GPHN: variants seen among roughly 807,000 people sequenced by gnomAD.
GPHN encodes the protein gephyrin.
GPHN carries 17 observed loss-of-function variants against 95.5 expected under a neutral mutation model. That is an observed-to-expected ratio of 0.18 (90% CI 0.12 to 0.27). The LOEUF is 0.27. Among genes scored for constraint, GPHN ranks in the 10% least tolerant of loss-of-function variants. The pLI is 1.00. For missense variants in GPHN, 660 were observed against 978.1 expected, an observed-to-expected ratio of 0.67 and a Z score of 4.34; for synonymous variants, 320 against 322.5, an observed-to-expected ratio of 0.99 and a Z score of 0.08.
At chr14:66,520,700 T>C (rs7142325) in intron 1 of GPHN, among the ~76,000 whole-genome samples, 1,295 of 127,290 alleles carry the variant, frequency 0.01, 14 homozygotes, top group African/African-American at 0.051. Flanking sequence ...GGAAATATTT[T>C]CTTTTTTTTT....
chr14:66,821,129 G>T (rs1309903620), intron 3 of GPHN, among the ~76,000 whole-genome samples: 1 of 152,122 alleles, frequency 6.6e-6, no homozygotes, highest in Non-Finnish European at 1.5e-5. Context: ...GAATAAAGTG[G>T]ATCTAACAGG....
the GPHN span, among the ~76,000 whole-genome samples, chr14:67,219,870 T>A: frequency 6.6e-6 from 1 of 152,208 alleles, no homozygotes; most frequent in Non-Finnish European, 1.5e-5. Context: ...AGTAATCCTC[T>A]TAAGCCCAAT....
the GPHN span, among the ~76,000 whole-genome samples, chr14:67,655,767 T>C: frequency 3.3e-5 from 5 of 152,232 alleles, no homozygotes; most frequent in African/African-American, 1.2e-4. Context: ...TTTTGACATA[T>C]TATTTCTCTT....
the GPHN span, chr14:67,727,737 C>A: frequency 5.6e-6 from 1 of 178,540 alleles, no homozygotes; most frequent in Non-Finnish European, 1.2e-5. Context: ...CAGAAGAGGC[C>A]TTTGGTAACA....
At chr14:66,893,856 A>G (rs1198367870) in intron 5 of GPHN, among the ~76,000 whole-genome samples, 1 of 152,246 alleles carries the variant, frequency 6.6e-6, no homozygotes, top group Non-Finnish European at 1.5e-5. Flanking sequence ...GCTCAACAAA[A>G]TAAAAGAGGA....
intron 1 of GPHN, among the ~76,000 whole-genome samples, chr14:66,611,129 G>A (rs184432236): frequency 3.3e-5 from 5 of 152,198 alleles, no homozygotes; most frequent in Admixed American, 6.5e-5. Context: ...ATTTAACCTT[G>A]CATAGAAATT....
chr14:66,681,279 G>A (rs2066918478), intron 2 of GPHN, 94 bp downstream of exon 2: 4 of 811,336 alleles, frequency 4.9e-6, no homozygotes, highest in Admixed American at 4.2e-5. Flanking sequence ...CTTATTTAAG[G>A]TACAACAATT....
chr14:67,055,116 C>CT (rs1264367345), intron 10 of GPHN, among the ~76,000 whole-genome samples: 1 of 152,126 alleles, frequency 6.6e-6, no homozygotes, highest in South Asian at 2.1e-4. Flanking sequence ...TAAAGAGCTT[C>CT]TGCACAGCAA....
intron 8 of GPHN, among the ~76,000 whole-genome samples, chr14:66,927,474 A>G (rs1251565482): frequency 2.6e-5 from 4 of 152,136 alleles, no homozygotes; most frequent in Admixed American, 2.0e-4. Flanking sequence ...CAAATATTGT[A>G]TCATCAGCAA....
At chr14:66,658,630 A>AT (rs2065450036) in intron 1 of GPHN, among the ~76,000 whole-genome samples, 1 of 152,256 alleles carries the variant, frequency 6.6e-6, no homozygotes, top group South Asian at 2.1e-4. Flanking sequence ...GGTCATTAGC[A>AT]TTTTTTGCAA....
chr14:67,590,460 A>G, the GPHN span, among the ~76,000 whole-genome samples: 1 of 152,010 alleles, frequency 6.6e-6, no homozygotes, highest in South Asian at 2.1e-4. Context: ...CCGGGTTCAA[A>G]TGATTCTTGT....
At chr14:67,361,530 G>A in the GPHN span, among the ~76,000 whole-genome samples, 1 of 152,194 alleles carries the variant, frequency 6.6e-6, no homozygotes, top group Admixed American at 6.5e-5. Flanking sequence ...ATCCAAATTA[G>A]AATTATCACG....
chr14:67,379,258 A>G, the GPHN span, among the ~76,000 whole-genome samples: 32 of 152,354 alleles, frequency 2.1e-4, no homozygotes, highest in African/African-American at 6.0e-4. Context: ...GATTGATTAT[A>G]TATCTTTAAA....
intron 2 of GPHN, among the ~76,000 whole-genome samples, chr14:66,745,838 C>T (rs1008271304): frequency 6.6e-6 from 1 of 151,560 alleles, no homozygotes; most frequent in African/African-American, 2.4e-5. Flanking sequence ...GTAAAAAACC[C>T]TTTGTGATCT....
chr14:67,630,546 T>TTATCC, the GPHN span, among the ~76,000 whole-genome samples: 1 of 152,210 alleles, frequency 6.6e-6, no homozygotes, highest in Non-Finnish European at 1.5e-5. Context: ...CCACATCCAG[T>TTATCC]TACAAGCGAG....
chr14:67,481,323 G>C, the GPHN span, among the ~76,000 whole-genome samples: 4 of 152,142 alleles, frequency 2.6e-5, no homozygotes, highest in African/African-American at 9.7e-5. Context: ...AAGCGAGATG[G>C]GGGAGAGAGA....
At chr14:67,083,814 G>C (rs1313466754) in intron 11 of GPHN, among the ~76,000 whole-genome samples, 3 of 152,142 alleles carry the variant, frequency 2.0e-5, no homozygotes, top group African/African-American at 7.2e-5. Flanking sequence ...TGGCTAGAGA[G>C]GGGGTACAGC....
At chr14:67,555,284 A>G in the GPHN span, among the ~76,000 whole-genome samples, 1 of 152,232 alleles carries the variant, frequency 6.6e-6, no homozygotes, top group South Asian at 2.1e-4. Context: ...TTAAGATTCA[A>G]GAAATCAAAT....
At chr14:67,382,905 G>A in the GPHN span, among the ~76,000 whole-genome samples, 5 of 140,308 alleles carry the variant, frequency 3.6e-5, no homozygotes, top group South Asian at 2.4e-4. Flanking sequence ...ACGTGCGTGC[G>A]TGCGTGTGTG....
Sources: allele counts gnomAD v4.1 joint callset (sites outside exome capture counted in the v4.1 genomes callset), GRCh38; gene constraint gnomAD v4.1.1; transcripts MANE v1.5; gene names NCBI Gene and HGNC (gene_info 2026-07-23, HGNC 2026-07-21).